Variants in CACNA2D2 observed in about 807,000 individuals in gnomAD.
CACNA2D2 encodes voltage-dependent calcium channel subunit alpha-2/delta-2.
CACNA2D2 carries 48 observed loss-of-function variants against 166.4 expected under a neutral mutation model. The observed-to-expected ratio is 0.29, with a 90% CI of 0.23 to 0.37. The LOEUF (loss-of-function observed/expected upper bound fraction) is 0.37. Ranked by LOEUF, CACNA2D2 falls within the 10% of genes least tolerant of loss-of-function variation. The pLI is 1.00. For missense variants in CACNA2D2, 1,122 were observed against 1,433.0 expected (o/e 0.78, Z 3.50); for synonymous variants, 561 against 573.7 (o/e 0.98, Z 0.32).
intron 2 of CACNA2D2, among the ~76,000 whole-genome samples, chr3:50,469,686 G>A (rs55892059): frequency 0.088 from 13,334 of 152,198 alleles, 1,773 homozygotes; most frequent in African/African-American, 0.29. Context: ...GGCTCAGAGA[G>A]GCAGGACAAC....
At chr3:50,481,620 A>G (rs952189473) in intron 1 of CACNA2D2, among the ~76,000 whole-genome samples, 5 of 152,196 alleles carry the variant, frequency 3.3e-5, no homozygotes, top group Admixed American at 2.0e-4. Flanking sequence ...CAAACTTGGC[A>G]ATGGCGGGGC....
Position 50,366,648 on chromosome 3 carries a change from C to A in CACNA2D2, c.2590-23G>T. 6.2e-7 allele frequency: 1 copy of A among 1,613,546 alleles called. No individual in the cohort carries two copies. Among genetic ancestry groups the A allele is most frequent in the Non-Finnish European group, 8.5e-7 (1 of 1,179,850 alleles). ...GCACTGCTGGGCAGAGAGTGAGGAC[C>A]GTAAGCCACCCACCAGTTTTCCTCC... On this transcript the variant is annotated intron_variant, in intron 29 of 37. Coordinates refer to ENST00000424201, the MANE Select transcript of CACNA2D2 (RefSeq NM_006030.4). The surrounding 1 kb of genome is among the most constrained non-coding windows in gnomAD (Gnocchi z 5.9).
chr3:50,436,356 G>A (rs897576439), intron 2 of CACNA2D2, among the ~76,000 whole-genome samples: 1 of 152,202 alleles, frequency 6.6e-6, no homozygotes, highest in African/African-American at 2.4e-5. Context: ...GTCCATGGCT[G>A]TGTACAGCCC....
At chr3:50,476,071 C>A in intron 2 of CACNA2D2, 47 bp downstream of exon 2, 1 of 1,461,860 alleles carries the variant, frequency 6.8e-7, no homozygotes. Context: ...TTTCCCCTTC[C>A]CTTGGAAGAG....
At chr3:50,471,458 C>T (rs1710091686) in intron 2 of CACNA2D2, among the ~76,000 whole-genome samples, 1 of 152,210 alleles carries the variant, frequency 6.6e-6, no homozygotes, top group African/African-American at 2.4e-5. Context: ...CCTTCTTCCT[C>T]TTCTGCTCCA....
chr3:50,386,263 A>G (rs927889825), intron 5 of CACNA2D2, among the ~76,000 whole-genome samples: 4 of 152,092 alleles, frequency 2.6e-5, no homozygotes, highest in Non-Finnish European at 5.9e-5. Flanking sequence ...GATACAGTTG[A>G]GGCTGCTGGA....
chr3:50,453,392 C>T (rs1709197908), intron 2 of CACNA2D2, among the ~76,000 whole-genome samples: 2 of 152,218 alleles, frequency 1.3e-5, no homozygotes, highest in Non-Finnish European at 2.9e-5. Flanking sequence ...AGAGCGATTT[C>T]GGACAGTCCA....
chr3:50,498,160 C>G (rs1011227532), intron 1 of CACNA2D2, among the ~76,000 whole-genome samples: 5 of 152,168 alleles, frequency 3.3e-5, no homozygotes, highest in African/African-American at 1.2e-4. Flanking sequence ...ATCTTACAGG[C>G]AACATCGCCC....
intron 3 of CACNA2D2, among the ~76,000 whole-genome samples, chr3:50,406,716 CCAT>C (rs1706731742): frequency 6.6e-6 from 1 of 151,778 alleles, no homozygotes; most frequent in Admixed American, 6.6e-5. Flanking sequence ...TCATCTACCA[CCAT>C]CAACTCTACT....
intron 3 of CACNA2D2, among the ~76,000 whole-genome samples, chr3:50,413,865 AG>A (rs1188717010): frequency 9.9e-6 from 1 of 101,226 alleles, no homozygotes; most frequent in Non-Finnish European, 1.8e-5. Flanking sequence ...AATAAATAAA[AG>A]GCTCCTCAGC....
chr3:50,399,820 T>C (rs1706354582), intron 3 of CACNA2D2, among the ~76,000 whole-genome samples: 1 of 152,164 alleles, frequency 6.6e-6, no homozygotes, highest in Non-Finnish European at 1.5e-5. Context: ...CTGGTTGGAC[T>C]CAGGTCCCTC....
chr3:50,388,470 AC>A (rs753180520), intron 4 of CACNA2D2, among the ~76,000 whole-genome samples: 1 of 152,188 alleles, frequency 6.6e-6, no homozygotes, highest in Non-Finnish European at 1.5e-5. Context: ...CCTGTTCTGT[AC>A]GGCAAAAACC....
At chr3:50,493,283 A>G (rs904077769) in intron 1 of CACNA2D2, among the ~76,000 whole-genome samples, 1 of 152,166 alleles carries the variant, frequency 6.6e-6, no homozygotes, top group Non-Finnish European at 1.5e-5. Context: ...AACCAATCAC[A>G]GTGTACTGTT....
At chr3:50,378,234 T>C in intron 14 of CACNA2D2, 50 bp downstream of exon 14, 1 of 1,553,592 alleles carries the variant, frequency 6.4e-7, no homozygotes, top group Non-Finnish European at 8.7e-7. Flanking sequence ...GCACACAGCG[T>C]CCCTGCAGGG....
chr3:50,457,791 T>C (rs970024246), intron 2 of CACNA2D2, among the ~76,000 whole-genome samples: 2 of 152,248 alleles, frequency 1.3e-5, no homozygotes, highest in African/African-American at 4.8e-5. Context: ...CTCTTCTTTT[T>C]GTTTGATTCT....
chr3:50,429,592 C>CAAAAAAAAAAA (rs1160685582), intron 3 of CACNA2D2, among the ~76,000 whole-genome samples: 13 of 52,652 alleles, frequency 2.5e-4, no homozygotes, highest in East Asian at 8.9e-4. Flanking sequence ...ACTAAAAATA[C>CAAAAAAAAAAA]AAAAAAAAAA....
At chr3:50,454,120 A>C (rs1434655879) in intron 2 of CACNA2D2, among the ~76,000 whole-genome samples, 1 of 152,244 alleles carries the variant, frequency 6.6e-6, no homozygotes, top group Non-Finnish European at 1.5e-5. Context: ...CAAGCACACA[A>C]GAGGCCTGAT....
intron 3 of CACNA2D2, among the ~76,000 whole-genome samples, chr3:50,401,254 A>G (rs753277832): frequency 3.3e-5 from 5 of 152,284 alleles, no homozygotes; most frequent in Admixed American, 1.3e-4. Flanking sequence ...AAATTAGTAA[A>G]ATGGATTTTT....
chr3:50,367,437 G>A lies in CACNA2D2; in HGVS notation c.2358C>T (p.Ser786=). Residue 786 remains serine, a synonymous_variant, in exon 27 of 38, where the codon AGC becomes AGT. Transcript: ENST00000424201. This position sits in a 1 kb window ranked among gnomAD's most constrained non-coding sequence, Gnocchi z 6.5. ...TGAAGACATAACCGTGGTTATCCAG[G>A]CTGCGGCGGTAGAAGCTGGCATTGA... is the stretch of plus-strand genomic sequence containing the variant. ...EPFNASFYRR[S]LDNHGYVFKP... 6.2e-7 allele frequency: 1 copy of A among 1,613,926 alleles called. No individual in the cohort carries two copies. Among genetic ancestry groups the A allele is most frequent in the Non-Finnish European group, 8.5e-7 (1 of 1,180,006 alleles).
Sources: allele counts gnomAD v4.1 joint callset (sites outside exome capture counted in the v4.1 genomes callset), GRCh38; gene constraint gnomAD v4.1.1; non-coding constraint Gnocchi (gnomAD v3.1); transcripts MANE v1.5; gene names NCBI Gene and HGNC (gene_info 2026-07-23, HGNC 2026-07-21).